RSRC1: variants seen among roughly 807,000 people sequenced by gnomAD.
RSRC1 encodes the protein serine/Arginine-related protein 53.
A neutral mutation model predicts 49.1 loss-of-function variants in RSRC1; 39 were observed. The ratio of observed to expected loss-of-function variants is 0.79; its 90% CI spans 0.61 to 1.04. The LOEUF is 1.04. RSRC1 is among the 50% of genes least tolerant of loss of function. RSRC1 has a pLI of 0.00. For synonymous variants in RSRC1, 143 were observed against 130.8 expected (o/e 1.09, Z -0.63); for missense variants, 388 against 402.4 (o/e 0.96, Z 0.31).
intron 4 of RSRC1, among the ~76,000 whole-genome samples, chr3:158,275,369 A>G (rs1725748382): frequency 2.0e-5 from 3 of 152,134 alleles, no homozygotes; most frequent in Admixed American, 6.6e-5. Context: ...CCACCCTACA[A>G]TTTTTAAAGC....
At chr3:158,469,779 G>T (rs758688736) in intron 7 of RSRC1, 1 of 152,068 alleles carries the variant, frequency 6.6e-6, no homozygotes, top group Non-Finnish European at 1.5e-5. Context: ...TGACTTAGCC[G>T]AAGTAAAACT....
intron 7 of RSRC1, among the ~76,000 whole-genome samples, chr3:158,527,155 A>G (rs1712093209): frequency 7.1e-6 from 1 of 140,450 alleles, no homozygotes. Context: ...TCCCAGCCCC[A>G]TGGTGTTAGG....
chr3:158,342,768 C>T (rs996524549), intron 5 of RSRC1, among the ~76,000 whole-genome samples: 8 of 152,002 alleles, frequency 5.3e-5, no homozygotes, highest in African/African-American at 9.7e-5. Context: ...ACTAAAAACG[C>T]GGACAAAATA....
intron 5 of RSRC1, among the ~76,000 whole-genome samples, chr3:158,316,735 C>T (rs1728487259): frequency 1.3e-5 from 2 of 152,046 alleles, no homozygotes; most frequent in South Asian, 4.2e-4. Context: ...TGAGCCAACG[C>T]GCCCGGCAGA....
At chr3:158,200,330 G>A (rs1578191390) in intron 3 of RSRC1, among the ~76,000 whole-genome samples, 1 of 152,094 alleles carries the variant, frequency 6.6e-6, no homozygotes, top group Non-Finnish European at 1.5e-5. Flanking sequence ...GAGCTACCAC[G>A]CCCGGCCTGG....
intron 2 of RSRC1, among the ~76,000 whole-genome samples, chr3:158,123,451 T>A (rs565177364): frequency 6.6e-6 from 1 of 152,286 alleles, no homozygotes; most frequent in East Asian, 1.9e-4. Context: ...CCACCATGCC[T>A]AGCTAAGTTT....
At chr3:158,448,267 A>G (rs1736832235) in intron 6 of RSRC1, among the ~76,000 whole-genome samples, 1 of 151,938 alleles carries the variant, frequency 6.6e-6, no homozygotes, top group Admixed American at 6.6e-5. Flanking sequence ...GAGAGAATAA[A>G]TATCACAGCA....
In RSRC1 at chr3:158,388,605, G is replaced by GTTTTT. The variant is rs1225891559; in HGVS notation, c.583+33699_583+33703dup. Among the ~76,000 whole-genome samples, 128 of 99,296 alleles carry GTTTTT rather than the reference G, an allele frequency of 1.3e-3. 1 individual carries two copies. The highest frequency in any genetic ancestry group is 4.8e-3 in the African/African-American group (119 of 24,870). The allele number at this position is 99,296 out of a possible 152,430, so 65.1% of individuals were successfully genotyped here. ...GCATTTGGGGAGCCAAATTAGCCGT[G>GTTTTT]TTTTTTGTTTTTTTTTTTTTTTTGA... On this transcript the variant is annotated intron_variant, in intron 6 of 9. Transcript: ENST00000611884.
chr3:158,468,449 C>T (rs1737986274), intron 7 of RSRC1, among the ~76,000 whole-genome samples: 1 of 152,176 alleles, frequency 6.6e-6, no homozygotes, highest in African/African-American at 2.4e-5. Flanking sequence ...CTCCTGCTTT[C>T]TCTCAAAATC....
At chr3:158,487,028 A>G (rs1408574741) in intron 7 of RSRC1, among the ~76,000 whole-genome samples, 2 of 152,174 alleles carry the variant, frequency 1.3e-5, no homozygotes, top group Non-Finnish European at 2.9e-5. Flanking sequence ...TTTTTAAAAT[A>G]TCTCGATTGC....
At chr3:158,222,706 T>C (rs1403885086) in intron 4 of RSRC1, among the ~76,000 whole-genome samples, 1 of 151,626 alleles carries the variant, frequency 6.6e-6, no homozygotes, top group Admixed American at 6.6e-5. Context: ...ATCACCACTT[T>C]GCTGTATTTA....
At chr3:158,295,430 T>G (rs1025421712) in intron 4 of RSRC1, among the ~76,000 whole-genome samples, 38 of 152,242 alleles carry the variant, frequency 2.5e-4, no homozygotes, top group African/African-American at 8.7e-4. Context: ...CATGATTAAG[T>G]TTACATTTTA....
chr3:158,485,733 CTT>C (rs1738791022), intron 7 of RSRC1, among the ~76,000 whole-genome samples: 1 of 152,224 alleles, frequency 6.6e-6, no homozygotes, highest in African/African-American at 2.4e-5. Flanking sequence ...TGTGTAATAA[CTT>C]TACATGAGTA....
At position 158,325,568 on chromosome 3, in the gene RSRC1, A is replaced by G. The variant is rs367860649; in HGVS notation, c.531+27493A>G. Among the ~76,000 whole-genome samples the G allele has an allele frequency of 5.9e-5, 9 of 152,170 alleles. No individual in the cohort carries two copies. In the East Asian group the frequency reaches 9.7e-4, roughly 16 times the overall value. ...GTATGGTATTATTTCTGAGGGCTCTATTCTGTTCCATTGATCTATATCTCT... is the reference window on the plus strand; with the variant it reads ...GTATGGTATTATTTCTGAGGGCTCTGTTCTGTTCCATTGATCTATATCTCT... On this transcript the variant is annotated intron_variant, in intron 5 of 9. Transcript: ENST00000611884.
chr3:158,261,895 A>T (rs566653177), intron 4 of RSRC1, among the ~76,000 whole-genome samples: 1 of 152,212 alleles, frequency 6.6e-6, no homozygotes, highest in Non-Finnish European at 1.5e-5. Flanking sequence ...ACAATGTAAT[A>T]GTAATAGAAA....
chr3:158,160,940 T>A (rs1207560647), intron 3 of RSRC1, among the ~76,000 whole-genome samples: 1 of 152,098 alleles, frequency 6.6e-6, no homozygotes, highest in African/African-American at 2.4e-5. Context: ...AATTTGCTCT[T>A]ACTTATATGG....
chr3:158,176,219 A>G (rs904903587), intron 3 of RSRC1, among the ~76,000 whole-genome samples: 1 of 152,204 alleles, frequency 6.6e-6, no homozygotes, highest in Non-Finnish European at 1.5e-5. Flanking sequence ...GAAAATGGCC[A>G]TACTGCCCAA....
At chr3:158,259,505 G>A (rs1559965715) in intron 4 of RSRC1, among the ~76,000 whole-genome samples, 1 of 152,056 alleles carries the variant, frequency 6.6e-6, no homozygotes, top group Non-Finnish European at 1.5e-5. Context: ...ACCATTACAG[G>A]GACTGTGCTT....
chr3:158,215,443 GAGTT>G (rs1297758461), intron 4 of RSRC1, among the ~76,000 whole-genome samples: 1 of 151,114 alleles, frequency 6.6e-6, no homozygotes, highest in Admixed American at 6.6e-5. Context: ...TCCATTCTGA[GAGTT>G]AGTCTTTTAA....
Sources: allele counts gnomAD v4.1 joint callset (sites outside exome capture counted in the v4.1 genomes callset), GRCh38; gene constraint gnomAD v4.1.1; transcripts MANE v1.5; gene names NCBI Gene and HGNC (gene_info 2026-07-23, HGNC 2026-07-21).